The following PRPS2 variants were observed in gnomAD, a reference collection of about 807,000 sequenced individuals.
The protein encoded by PRPS2 is phosphoribosyl pyrophosphate synthetase 2.
For synonymous variants in PRPS2, 111 were observed against 115.3 expected, an observed-to-expected ratio of 0.96 and a Z score of 0.24; for missense variants, 104 against 271.5, an observed-to-expected ratio of 0.38 and a Z score of 4.34.
chrX:12,791,855 G>A (rs1417088699), intron 1 of PRPS2, among the ~76,000 whole-genome samples: 2 of 112,326 alleles, frequency 1.8e-5, no homozygotes, highest in Admixed American at 1.8e-4. Context: ...CAGGGCCTCC[G>A]GTCCTGGGAC....
intron 2 of PRPS2, among the ~76,000 whole-genome samples, chrX:12,803,116 A>T (rs917489527): frequency 2.7e-5 from 3 of 112,032 alleles, no homozygotes; most frequent in African/African-American, 9.7e-5. Context: ...GTCCAACATC[A>T]AGGTGTTGGC....
At chrX:12,793,187 A>G (rs760478566) in intron 1 of PRPS2, among the ~76,000 whole-genome samples, 1 of 112,721 alleles carries the variant, frequency 8.9e-6, no homozygotes, top group South Asian at 3.6e-4. Flanking sequence ...AGGTGTCGTC[A>G]TATAAGTAAA....
chrX:12,822,186 A>G (rs781630172), intron 6 of PRPS2, among the ~76,000 whole-genome samples: 34 of 111,709 alleles, frequency 3.0e-4, no homozygotes, highest in Non-Finnish European at 3.6e-4. Context: ...GTCCATTCAT[A>G]TATGTATTGC....
At chrX:12,801,896 A>C (rs760762905) in intron 2 of PRPS2, among the ~76,000 whole-genome samples, 1 of 112,689 alleles carries the variant, frequency 8.9e-6, no homozygotes, top group South Asian at 3.7e-4. Context: ...GGCATGAGCT[A>C]CCGCACCTGG....
chrX:12,810,389 G>C (rs2042617726), intron 4 of PRPS2: 1 of 320,956 alleles, frequency 3.1e-6, no homozygotes, highest in South Asian at 1.6e-4. Flanking sequence ...TGGTTTATTT[G>C]TTTTCAGCAA....
chrX:12,820,916 G>A, intron 6 of PRPS2, 113 bp downstream of exon 6: 1 of 849,004 alleles, frequency 1.2e-6, no homozygotes, highest in African/African-American at 2.0e-5. Context: ...ATGCTTGGCA[G>A]AGGCGGCAGC....
chrX:12,817,995 G>A (rs756655888), intron 4 of PRPS2, among the ~76,000 whole-genome samples: 10 of 111,338 alleles, frequency 9.0e-5, no homozygotes, highest in Non-Finnish European at 1.7e-4. Context: ...TGTTGTGAAT[G>A]TACTTGATGC....
rs143570064 is a variant in PRPS2, at chrX:12,793,178, G to A, written c.122+1559G>A. On this transcript the variant is annotated intron_variant, in intron 1 of 6. Coordinates refer to ENST00000380668, the MANE Select transcript of PRPS2 (RefSeq NM_002765.5). ...GAAGAAGAATAGTTTTTGTTCAGAA[G>A]GTGTCGTCATATAAGTAAAGGAGAA... Among the ~76,000 whole-genome samples the A allele has an allele frequency of 5.0e-3, 560 of 112,440 alleles. 12 individuals are homozygous for A. Among genetic ancestry groups the A allele is most frequent in the Admixed American group, 0.046 (485 of 10,648 alleles).
At chrX:12,793,711 C>T (rs2042530441) in intron 1 of PRPS2, among the ~76,000 whole-genome samples, 1 of 112,229 alleles carries the variant, frequency 8.9e-6, no homozygotes, top group Non-Finnish European at 1.9e-5. Context: ...AAAATGAAGA[C>T]AAAATTGATT....
At chrX:12,801,117 G>T (rs2042566887) in intron 2 of PRPS2, among the ~76,000 whole-genome samples, 1 of 111,729 alleles carries the variant, frequency 9.0e-6, no homozygotes, top group Non-Finnish European at 1.9e-5. Flanking sequence ...TAGCTCACAA[G>T]CAGTACCAAA....
rs759598382 is a variant in PRPS2 at position 12,819,691 on chromosome X, C to T, written c.704+11C>T. On this transcript the variant is annotated intron_variant, in intron 5 of 6. Transcript: ENST00000380668. ...CCATGCTGCGGACAAGTACGCAGGG[C>T]GGTGGGGAAAGCGTTAGGACTTCTC... 1.3e-5 allele frequency: 15 copies of T among 1,197,586 alleles called. No homozygotes were observed. The highest frequency in any genetic ancestry group is 1.2e-4 in the African/African-American group (7 of 56,902).
chrX:12,805,709 C>T (rs1009956899), intron 2 of PRPS2, among the ~76,000 whole-genome samples: 4 of 112,047 alleles, frequency 3.6e-5, no homozygotes, highest in Admixed American at 9.5e-5. Context: ...AAGTTTGGCC[C>T]ATGGATTCTA....
intron 2 of PRPS2, among the ~76,000 whole-genome samples, chrX:12,801,183 C>T (rs1181324344): frequency 9.2e-6 from 1 of 108,204 alleles, no homozygotes; most frequent in Non-Finnish European, 1.9e-5. Context: ...TACAGTTTGC[C>T]AACCCCTGTA....
chrX:12,793,784 T>C (rs1211284129), intron 1 of PRPS2, among the ~76,000 whole-genome samples: 2 of 112,509 alleles, frequency 1.8e-5, no homozygotes, highest in Admixed American at 1.9e-4. Flanking sequence ...TCTGGTTTGC[T>C]GTCTCCTGGC....
Position 12,810,007 on chromosome X carries a change from C to A in PRPS2, c.406-15C>A. The A allele has an allele frequency of 3.4e-6, 4 of 1,172,821 alleles. No individual in the cohort carries two copies. Among genetic ancestry groups the A allele is most frequent in the Non-Finnish European group, 4.6e-6 (4 of 874,800 alleles). ...AAACAAAACCCTGCAACATGACACT[C>A]ACTTCTCCCTTTAGGGATTCTTTGA... is the stretch of plus-strand genomic sequence containing the variant. On this transcript the variant is annotated splice_polypyrimidine_tract_variant and intron_variant, in intron 3 of 6. Transcript: ENST00000380668.
intron 4 of PRPS2, among the ~76,000 whole-genome samples, chrX:12,816,018 T>C (rs1168787374): frequency 1.8e-5 from 2 of 111,718 alleles, no homozygotes; most frequent in Non-Finnish European, 3.8e-5. Context: ...AATTAAATCT[T>C]TAAGTAAGGA....
rs780454779 is a variant in PRPS2 at position 12,815,984 on chromosome X, G to T, written c.531-3523G>T. On this transcript the variant is annotated intron_variant, in intron 4 of 6. Coordinates refer to ENST00000380668, the MANE Select transcript of PRPS2 (RefSeq NM_002765.5). Reference sequence around the variant, plus strand: ...AAGGTGATGATGGAGCAAAATTTTTGTTGGCCTTTAAATTAATTTTTTTAA... The same window carrying T: ...AAGGTGATGATGGAGCAAAATTTTTTTTGGCCTTTAAATTAATTTTTTTAA... Among the ~76,000 whole-genome samples the T allele has an allele frequency of 3.6e-5, 4 of 111,532 alleles. No individual in the cohort carries two copies. The Admixed American group carries it at 3.8e-4, about 11-fold the overall frequency.
chrX:12,799,688 A>G (rs762676970), intron 2 of PRPS2, among the ~76,000 whole-genome samples: 1 of 112,147 alleles, frequency 8.9e-6, no homozygotes, highest in African/African-American at 3.2e-5. Context: ...ACACACACAT[A>G]CATGCACAAG....
intron 1 of PRPS2, among the ~76,000 whole-genome samples, chrX:12,792,184 G>C (rs1309614084): frequency 1.8e-5 from 2 of 112,706 alleles, no homozygotes; most frequent in Non-Finnish European, 3.8e-5. Flanking sequence ...CTGCCCCCAA[G>C]GGTTTGATCC....
Sources: allele counts gnomAD v4.1 joint callset (sites outside exome capture counted in the v4.1 genomes callset), GRCh38; gene constraint gnomAD v4.1.1; transcripts MANE v1.5; gene names NCBI Gene and HGNC (gene_info 2026-07-23, HGNC 2026-07-21).